The following STK26 variants were observed in gnomAD, a reference collection of about 807,000 sequenced individuals.
STK26 encodes the protein serine/threonine-protein kinase 26.
Under a neutral mutation model 34.7 loss-of-function variants are expected in STK26, and 14 were observed. The observed-to-expected ratio is 0.40, with a 90% CI of 0.27 to 0.63. The LOEUF (loss-of-function observed/expected upper bound fraction) is 0.63, where lower values mean the gene tolerates loss of function less well. STK26 is among the 30% of genes least tolerant of loss of function. The pLI is 0.38. For missense variants in STK26, 226 were observed against 309.1 expected, an observed-to-expected ratio of 0.73 and a Z score of 2.02; for synonymous variants, 100 against 109.8, an observed-to-expected ratio of 0.91 and a Z score of 0.56.
chrX:132,030,245 G>T (rs1027157005), intron 2 of STK26, among the ~76,000 whole-genome samples: 2 of 111,033 alleles, frequency 1.8e-5, no homozygotes, highest in Non-Finnish European at 3.8e-5. Context: ...AGAGAAAAAT[G>T]AGCTTCATTG....
chrX:132,059,273 G>A (rs1287252900), intron 3 of STK26, among the ~76,000 whole-genome samples: 3 of 111,851 alleles, frequency 2.7e-5, no homozygotes, highest in Non-Finnish European at 5.6e-5. Context: ...ACTGGGAAAT[G>A]GGTTGTTCTT....
chrX:132,024,793 C>T (rs1329845096), intron 2 of STK26, among the ~76,000 whole-genome samples: 1 of 105,231 alleles, frequency 9.5e-6, no homozygotes, highest in African/African-American at 3.5e-5. Flanking sequence ...TGAATGTCCA[C>T]AAAAGTGATT....
chrX:132,045,693 T>C (rs1926475543), intron 2 of STK26, among the ~76,000 whole-genome samples: 2 of 112,214 alleles, frequency 1.8e-5, no homozygotes, highest in African/African-American at 6.5e-5. Context: ...TTTATTGTGA[T>C]GATAGCCTTG....
Position 132,061,759 on chromosome X carries a change from A to G in STK26, c.274-1674A>G, listed in dbSNP as rs765848154. 3.6e-5 allele frequency among the ~76,000 whole-genome samples: 4 copies of G among 111,594 alleles called. No homozygotes were observed. The East Asian group carries it at 1.1e-3, about 32-fold the overall frequency. ...CTCTCCCATCCCCTAAGCACTCATCATCATGTCACTGGGTTCCATTCTCTG... is the reference window on the plus strand; with the variant it reads ...CTCTCCCATCCCCTAAGCACTCATCGTCATGTCACTGGGTTCCATTCTCTG... On this transcript the variant is annotated intron_variant, in intron 3 of 11. Coordinates refer to ENST00000394334, the MANE Select transcript of STK26 (RefSeq NM_016542.4).
intron 2 of STK26, among the ~76,000 whole-genome samples, chrX:132,028,671 T>TTGTAAGAAAAGTAAGGG (rs1158456791): frequency 1.7e-4 from 19 of 109,226 alleles, no homozygotes; most frequent in South Asian, 3.9e-4. Flanking sequence ...AAAGTAAGGG[T>TTGTAAGAAAAGTAAGGG]TGTAAGAAAA....
intron 2 of STK26, among the ~76,000 whole-genome samples, chrX:132,051,923 A>G (rs769172571): frequency 1.7e-4 from 19 of 110,435 alleles, no homozygotes; most frequent in African/African-American, 5.9e-4. Context: ...AAGGACATGC[A>G]CTCATCCTTT....
chrX:132,030,443 A>T (rs1925790062), intron 2 of STK26, among the ~76,000 whole-genome samples: 1 of 111,118 alleles, frequency 9.0e-6, no homozygotes, highest in Non-Finnish European at 1.9e-5. Context: ...ATAAATAAAA[A>T]ACTGTTTTAC....
intron 2 of STK26, among the ~76,000 whole-genome samples, chrX:132,030,667 G>GTT (rs1279211583): frequency 3.8e-5 from 4 of 104,552 alleles, no homozygotes; most frequent in African/African-American, 1.4e-4. Flanking sequence ...TGGTTCTACT[G>GTT]TTTTTTTTTT....
chrX:132,028,349 T>C (rs1191197481), intron 2 of STK26, among the ~76,000 whole-genome samples: 1 of 111,677 alleles, frequency 9.0e-6, no homozygotes, highest in African/African-American at 3.3e-5. Flanking sequence ...GGGAGACTTA[T>C]GATACATCTG....
rs370726118 is a variant in STK26, at chrX:132,054,612, C to T, written c.43-19C>T. 32 of 1,150,143 alleles carry T rather than the reference C, an allele frequency of 2.8e-5. No homozygotes were observed. Among genetic ancestry groups the T allele is most frequent in the Middle Eastern group, 4.8e-4 (2 of 4,151 alleles). 94.8% of individuals were successfully genotyped at this position (1,150,143 alleles called of 1,213,427 possible). On this transcript the variant is annotated intron_variant, in intron 2 of 11. Coordinates refer to ENST00000394334, the MANE Select transcript of STK26 (RefSeq NM_016542.4). ...AAACATTTGTGTTCTTTCTTTTTCT[C>T]GTTCCCCACTCCCTTCAGAATAACA... is the stretch of plus-strand genomic sequence containing the variant.
In STK26 at chrX:132,052,181, T is replaced by C. The variant is rs144678125; in HGVS notation, c.43-2450T>C. ...TGCTATTTATTTACTTGATCTTTTC[T>C]CTTGTGCTAAAAGCAGGAAGGAAAC... On this transcript the variant is annotated intron_variant, in intron 2 of 11. Coordinates refer to ENST00000394334, the MANE Select transcript of STK26 (RefSeq NM_016542.4). Among the ~76,000 whole-genome samples, 910 of 111,131 alleles carry C rather than the reference T, an allele frequency of 8.2e-3. 9 individuals are homozygous for C. The highest frequency in any genetic ancestry group is 0.028 in the African/African-American group (863 of 30,606).
In STK26 at chrX:132,044,706, GAGATCTATATATATATTTATATATATAT is replaced by G. The variant is rs1569330061; in HGVS notation, c.43-9921_43-9894del. ...ATATATATAGAGAGAGAGAGAGAGA[GAGATCTATATATATATTTATATATATAT>G]AGAGAGATCTATATATATATTTATA... is the stretch of plus-strand genomic sequence containing the variant. On this transcript the variant is annotated intron_variant, in intron 2 of 11. Transcript: ENST00000394334. Among the ~76,000 whole-genome samples the G allele has an allele frequency of 1.6e-3, 117 of 73,131 alleles. 18 individuals carry two copies. Among genetic ancestry groups the G allele is most frequent in the South Asian group, 3.9e-3 (6 of 1,544 alleles). The allele number at this position is 73,131 out of a possible 115,157, so 63.5% of individuals were successfully genotyped here.
At chrX:132,023,776 G>A in intron 2 of STK26, 117 bp downstream of exon 2, 7 of 877,063 alleles carry the variant, frequency 8.0e-6, no homozygotes, top group Non-Finnish European at 1.1e-5. Context: ...GGGCAGGGCC[G>A]GTCACTATGG....
At chrX:132,028,526 G>A (rs759911270) in intron 2 of STK26, among the ~76,000 whole-genome samples, 1 of 111,658 alleles carries the variant, frequency 9.0e-6, no homozygotes, top group Non-Finnish European at 1.9e-5. Context: ...GATATTTACT[G>A]AGCATCTACT....
At chrX:132,023,773 G>T in intron 2 of STK26, 114 bp downstream of exon 2, 2 of 927,756 alleles carry the variant, frequency 2.2e-6, no homozygotes, top group Non-Finnish European at 2.9e-6. Context: ...TGAGGGCAGG[G>T]CCGGTCACTA....
intron 2 of STK26, among the ~76,000 whole-genome samples, chrX:132,040,625 T>C (rs1926229447): frequency 8.9e-6 from 1 of 111,767 alleles, no homozygotes; most frequent in South Asian, 3.7e-4. Flanking sequence ...GGGGAGAGGC[T>C]TAATTGCTTT....
At chrX:132,053,062 T>C (rs762804622) in intron 2 of STK26, among the ~76,000 whole-genome samples, 33 of 111,785 alleles carry the variant, frequency 3.0e-4, no homozygotes, top group Non-Finnish European at 5.7e-4. Context: ...AAATCAATAA[T>C]GATGGCACTC....
rs775524893 is a variant in STK26 at position 132,063,411 on chromosome X, A to C, written c.274-22A>C. 5.9e-5 allele frequency: 71 copies of C among 1,193,762 alleles called. No homozygotes were observed. The Middle Eastern group carries it at 7.5e-4, about 13-fold the overall frequency. On this transcript the variant is annotated intron_variant, in intron 3 of 11. Coordinates refer to ENST00000394334, the MANE Select transcript of STK26 (RefSeq NM_016542.4). ...ATTTTGGCTCAGGTTTGTAATTATT[A>C]AATTGTTTCATGGCTTTACAGGGGT... is the stretch of plus-strand genomic sequence containing the variant.
At chrX:132,033,130 C>A (rs972644160) in intron 2 of STK26, among the ~76,000 whole-genome samples, 2 of 110,691 alleles carry the variant, frequency 1.8e-5, no homozygotes, top group African/African-American at 3.3e-5. Flanking sequence ...GTGGGATGGG[C>A]AATATAGATA....
Sources: allele counts gnomAD v4.1 joint callset (sites outside exome capture counted in the v4.1 genomes callset), GRCh38; gene constraint gnomAD v4.1.1; transcripts MANE v1.5; gene names NCBI Gene and HGNC (gene_info 2026-07-23, HGNC 2026-07-21).